The following KCNH5 variants were observed in gnomAD, a reference collection of about 807,000 sequenced individuals.
KCNH5 encodes the protein voltage-gated delayed rectifier potassium channel KCNH5.
Under a neutral mutation model 96.1 loss-of-function variants are expected in KCNH5, and 46 were observed. The ratio of observed to expected loss-of-function variants is 0.48; its 90% confidence interval spans 0.38 to 0.61. KCNH5 has a LOEUF of 0.61. Among genes scored for constraint, KCNH5 ranks in the 20% least tolerant of loss-of-function variants. KCNH5 has a pLI of 0.00. For synonymous variants in KCNH5, 439 were observed against 449.8 expected (o/e 0.98, Z 0.30); for missense variants, 907 against 1,225.8 (o/e 0.74, Z 3.88).
chr14:62,772,013 T>C (rs918225024), intron 10 of KCNH5, among the ~76,000 whole-genome samples: 10 of 152,214 alleles, frequency 6.6e-5, no homozygotes, highest in African/African-American at 2.4e-4. Flanking sequence ...CTTAGTTATT[T>C]TTTTCTTTTT....
At chr14:62,965,814 T>C (rs1890294552) in intron 6 of KCNH5, among the ~76,000 whole-genome samples, 1 of 152,138 alleles carries the variant, frequency 6.6e-6, no homozygotes, top group African/African-American at 2.4e-5. Flanking sequence ...AAATAATTAC[T>C]TTCTTTGCCA....
intron 6 of KCNH5, among the ~76,000 whole-genome samples, chr14:62,954,124 G>A (rs1198512709): frequency 3.9e-5 from 6 of 152,066 alleles, no homozygotes; most frequent in African/African-American, 9.7e-5. Flanking sequence ...TTCATGCTAC[G>A]TTACAAGTTA....
intron 7 of KCNH5, among the ~76,000 whole-genome samples, chr14:62,917,193 C>T (rs1889291873): frequency 6.6e-6 from 1 of 152,160 alleles, no homozygotes; most frequent in Non-Finnish European, 1.5e-5. Context: ...CATAGCTTTA[C>T]ATTGTTATAT....
intron 7 of KCNH5, among the ~76,000 whole-genome samples, chr14:62,898,310 T>C (rs1366499886): frequency 6.6e-6 from 1 of 152,184 alleles, no homozygotes; most frequent in Non-Finnish European, 1.5e-5. Flanking sequence ...TAGATTTTGT[T>C]TTAAAGCCTT....
intron 6 of KCNH5, among the ~76,000 whole-genome samples, chr14:62,958,938 C>A (rs1047772471): frequency 5.9e-5 from 9 of 152,076 alleles, no homozygotes; most frequent in Non-Finnish European, 1.3e-4. Context: ...TTCAACTACA[C>A]CTTTCCCATA....
At chr14:62,823,705 T>C (rs1274918998) in intron 8 of KCNH5, among the ~76,000 whole-genome samples, 1 of 152,098 alleles carries the variant, frequency 6.6e-6, no homozygotes, top group Non-Finnish European at 1.5e-5. Context: ...CTAGATAACA[T>C]CACATAATTC....
intron 10 of KCNH5, among the ~76,000 whole-genome samples, chr14:62,725,867 G>GA (rs1884914499): frequency 6.6e-6 from 1 of 152,066 alleles, no homozygotes; most frequent in Non-Finnish European, 1.5e-5. Flanking sequence ...TCATTAAGAA[G>GA]AAAAAACTGG....
intron 7 of KCNH5, among the ~76,000 whole-genome samples, chr14:62,903,950 G>A (rs1383256608): frequency 2.6e-5 from 4 of 151,386 alleles, no homozygotes; most frequent in Admixed American, 6.6e-5. Flanking sequence ...GAGGTCACAC[G>A]CTATTTTCTT....
Position 62,849,794 on chromosome 14 carries a change from G to A in KCNH5, c.1428C>T (p.Ala476=). The A allele has an allele frequency of 6.2e-7, 1 of 1,613,684 alleles. No homozygotes were observed. Among genetic ancestry groups the A allele is most frequent in the Non-Finnish European group, 8.5e-7 (1 of 1,179,788 alleles). Residue 476 remains alanine, a synonymous_variant, in exon 8 of 11, where the codon GCC becomes GCT. Coordinates refer to ENST00000322893, the MANE Select transcript of KCNH5 (RefSeq NM_139318.5). ...GCATCTCATGGTATCGGTTGGTGTTGGCATACATTTGCTGGAAAATTGTTG... is the reference window on the plus strand; with the variant it reads ...GCATCTCATGGTATCGGTTGGTGTTAGCATACATTTGCTGGAAAATTGTTG... ...NVTTIFQQMY[A]NTNRYHEMLN...
intron 5 of KCNH5, among the ~76,000 whole-genome samples, chr14:62,986,372 C>T (rs962224500): frequency 6.6e-6 from 1 of 152,140 alleles, no homozygotes; most frequent in Non-Finnish European, 1.5e-5. Flanking sequence ...GAGACACCAA[C>T]CACCACCATT....
chr14:62,923,284 A>C (rs1033776115), intron 7 of KCNH5, among the ~76,000 whole-genome samples: 2 of 151,928 alleles, frequency 1.3e-5, no homozygotes, highest in African/African-American at 4.8e-5. Context: ...AAATCTGTAC[A>C]CTGTAAACTA....
chr14:62,995,628 C>T (rs1890892491), intron 4 of KCNH5, among the ~76,000 whole-genome samples: 1 of 152,096 alleles, frequency 6.6e-6, no homozygotes, highest in Admixed American at 6.6e-5. Context: ...CTTTGTGCAG[C>T]TCAGAAATCC....
chr14:62,754,009 T>C (rs1885562186), intron 10 of KCNH5, among the ~76,000 whole-genome samples: 1 of 152,078 alleles, frequency 6.6e-6, no homozygotes, highest in Admixed American at 6.6e-5. Context: ...GATGAAAGCA[T>C]GAAACATTCT....
chr14:62,837,281 A>G (rs1338234256), intron 8 of KCNH5, among the ~76,000 whole-genome samples: 1 of 152,184 alleles, frequency 6.6e-6, no homozygotes, highest in Non-Finnish European at 1.5e-5. Flanking sequence ...GAACTGCCTC[A>G]TATCCACCAC....
intron 9 of KCNH5, among the ~76,000 whole-genome samples, chr14:62,798,807 C>T (rs545143093): frequency 2.0e-5 from 3 of 152,230 alleles, no homozygotes; most frequent in African/African-American, 7.2e-5. Flanking sequence ...ACGTGCCTAT[C>T]GAGAGACTGT....
At chr14:62,713,227 T>C (rs1884609898) in intron 10 of KCNH5, among the ~76,000 whole-genome samples, 1 of 152,224 alleles carries the variant, frequency 6.6e-6, no homozygotes, top group Admixed American at 6.5e-5. Context: ...CAGGGCACTT[T>C]ATAGTTCCTT....
chr14:62,877,421 G>A (rs1397817236), intron 7 of KCNH5, among the ~76,000 whole-genome samples: 1 of 152,038 alleles, frequency 6.6e-6, no homozygotes, highest in East Asian at 1.9e-4. Context: ...TACAAAATGG[G>A]AGAAAGTTTT....
chr14:63,003,916 G>A (rs187083720), intron 3 of KCNH5, among the ~76,000 whole-genome samples: 89 of 151,916 alleles, frequency 5.9e-4, no homozygotes, highest in Non-Finnish European at 2.5e-4. Context: ...CACCGCGCCC[G>A]GCCAGAAAGA....
intron 8 of KCNH5, among the ~76,000 whole-genome samples, chr14:62,825,679 T>C (rs977822429): frequency 6.6e-6 from 1 of 152,154 alleles, no homozygotes; most frequent in African/African-American, 2.4e-5. Flanking sequence ...TTTTAAAATA[T>C]AGTCTATATA....
Sources: gnomAD v4.1 joint callset for allele counts (sites outside exome capture counted in the v4.1 genomes callset) on GRCh38, gnomAD v4.1.1 for gene constraint, MANE v1.5 for transcripts, NCBI Gene and HGNC (gene_info 2026-07-23, HGNC 2026-07-21) for gene names.